Variants in FHIT observed in about 807,000 individuals in gnomAD.
FHIT encodes the protein bis(5'-adenosyl)-triphosphatase.
Under a neutral mutation model 17.9 loss-of-function variants are expected in FHIT, and 19 were observed. The ratio of observed to expected loss-of-function variants is 1.06; its 90% CI spans 0.74 to 1.56. The LOEUF is 1.56. Ranked by LOEUF, FHIT falls within the 40% of genes most tolerant of loss-of-function variation. FHIT has a pLI of 0.00. For missense variants in FHIT, 248 were observed against 189.2 expected, an observed-to-expected ratio of 1.31 and a Z score of -1.82; for synonymous variants, 81 against 69.7, an observed-to-expected ratio of 1.16 and a Z score of -0.81.
intron 5 of FHIT, among the ~76,000 whole-genome samples, chr3:60,076,601 A>G (rs1050394266): frequency 1.3e-5 from 2 of 152,040 alleles, no homozygotes; most frequent in African/African-American, 4.8e-5. Context: ...GTGATTAGCA[A>G]TGCATGTTTA....
At chr3:60,123,962 CTAAAAATATA>C (rs1705374543) in intron 5 of FHIT, among the ~76,000 whole-genome samples, 1 of 63,316 alleles carries the variant, frequency 1.6e-5, no homozygotes, top group African/African-American at 7.4e-5. Flanking sequence ...CAGAAATGCA[CTAAAAATATA>C]TATATATATA....
chr3:59,792,881 G>C lies in FHIT; in HGVS notation c.349-40560C>G, dbSNP rs556912929. Reference sequence around the variant, plus strand: ...GGAGGTCCTTATTTTTTGGGGGGGGGGGTCATGAACCTCCTTGAAAATCTG... The same window carrying C: ...GGAGGTCCTTATTTTTTGGGGGGGGCGGTCATGAACCTCCTTGAAAATCTG... On this transcript the variant is annotated intron_variant, in intron 8 of 9. Transcript: ENST00000492590. Among the ~76,000 whole-genome samples the C allele has an allele frequency of 2.7e-4, 40 of 145,866 alleles. 1 individual carries two copies. Among genetic ancestry groups the C allele is most frequent in the African/African-American group, 6.7e-4 (27 of 40,174 alleles).
rs199798770 is a variant in FHIT at position 61,006,389 on chromosome 3, T to C, written c.-111+35658A>G. Among the ~76,000 whole-genome samples, 39 of 152,170 alleles carry C rather than the reference T, an allele frequency of 2.6e-4. No individual in the cohort carries two copies. In the East Asian group the frequency reaches 4.6e-3, roughly 18 times the overall value. ...TCTGTCATAAAAACAGCAACATCAA[T>C]GACCATAACAAATGCTAAAAAGCAA... On this transcript the variant is annotated intron_variant, in intron 3 of 9. Transcript: ENST00000492590.
At chr3:61,090,508 A>G (rs2035447648) in intron 2 of FHIT, among the ~76,000 whole-genome samples, 1 of 152,148 alleles carries the variant, frequency 6.6e-6, no homozygotes, top group Non-Finnish European at 1.5e-5. Context: ...AAAAAGAGAG[A>G]GCTTTGCTTT....
At chr3:61,100,487 T>A (rs1316180137) in intron 2 of FHIT, among the ~76,000 whole-genome samples, 2 of 152,192 alleles carry the variant, frequency 1.3e-5, no homozygotes, top group African/African-American at 2.4e-5. Flanking sequence ...TGGTTCGAAG[T>A]CTTTGCTATT....
intron 8 of FHIT, among the ~76,000 whole-genome samples, chr3:59,759,604 T>TATCA (rs1701399560): frequency 1.3e-5 from 2 of 152,220 alleles, no homozygotes; most frequent in Non-Finnish European, 1.5e-5. Flanking sequence ...GCCTCTCTTC[T>TATCA]ATCATTCACT....
intron 1 of FHIT, among the ~76,000 whole-genome samples, chr3:61,209,239 T>C (rs2106744221): frequency 6.6e-6 from 1 of 152,364 alleles, no homozygotes; most frequent in Non-Finnish European, 1.5e-5. Flanking sequence ...TCTCTCTGGC[T>C]GCCCTTAAAA....
At chr3:59,880,988 T>C (rs763528782) in intron 8 of FHIT, among the ~76,000 whole-genome samples, 2 of 152,218 alleles carry the variant, frequency 1.3e-5, no homozygotes, top group Admixed American at 6.5e-5. Flanking sequence ...AGTGCTATTG[T>C]TCCTTTGACA....
At chr3:60,877,337 C>T (rs1431332476) in intron 3 of FHIT, among the ~76,000 whole-genome samples, 1 of 152,208 alleles carries the variant, frequency 6.6e-6, no homozygotes, top group East Asian at 1.9e-4. Flanking sequence ...CCCCATGGAG[C>T]CAAACAGTGA....
chr3:60,694,253 G>A (rs1008987570), intron 4 of FHIT, among the ~76,000 whole-genome samples: 19 of 151,392 alleles, frequency 1.3e-4, no homozygotes, highest in South Asian at 4.2e-4. Context: ...CAGAAAACCC[G>A]ATGCTCTCTT....
intron 5 of FHIT, among the ~76,000 whole-genome samples, chr3:60,114,488 C>CTTTTTTTTTG (rs145618938): frequency 1.7e-5 from 1 of 59,480 alleles, no homozygotes; most frequent in Non-Finnish European, 2.9e-5. Flanking sequence ...CAAGAGAAAT[C>CTTTTTTTTTG]CTTTTTTTTT....
chr3:61,000,744 A>G (rs960609155), intron 3 of FHIT, among the ~76,000 whole-genome samples: 8 of 152,176 alleles, frequency 5.3e-5, no homozygotes, highest in Non-Finnish European at 1.2e-4. Context: ...GCCGGGTTCC[A>G]GAGACGGCTG....
intron 1 of FHIT, among the ~76,000 whole-genome samples, chr3:61,204,277 G>A (rs537875033): frequency 2.6e-5 from 4 of 152,210 alleles, no homozygotes; most frequent in African/African-American, 9.6e-5. Flanking sequence ...GAGAGGAATG[G>A]GGGGGCTTCT....
chr3:60,233,614 T>C (rs1202275777), intron 5 of FHIT, among the ~76,000 whole-genome samples: 1 of 152,166 alleles, frequency 6.6e-6, no homozygotes, highest in Non-Finnish European at 1.5e-5. Flanking sequence ...TTTGAAATCA[T>C]CTTTTCTCTT....
At chr3:60,338,511 T>C (rs1710355094) in intron 5 of FHIT, among the ~76,000 whole-genome samples, 1 of 152,208 alleles carries the variant, frequency 6.6e-6, no homozygotes, top group Non-Finnish European at 1.5e-5. Flanking sequence ...CAGTATTTTA[T>C]TTACATCCAT....
At chr3:60,906,661 G>T (rs1706441822) in intron 3 of FHIT, among the ~76,000 whole-genome samples, 2 of 152,090 alleles carry the variant, frequency 1.3e-5, no homozygotes, top group South Asian at 4.2e-4. Context: ...CTAGCATCAG[G>T]GGATCCCACT....
chr3:60,003,977 G>A (rs762311265), intron 7 of FHIT, among the ~76,000 whole-genome samples: 1 of 151,188 alleles, frequency 6.6e-6, no homozygotes, highest in Non-Finnish European at 1.5e-5. Flanking sequence ...TTTTATATTT[G>A]ATTTCCTAGG....
At chr3:59,828,843 C>CTGTGTGTGTG (rs10637442) in intron 8 of FHIT, among the ~76,000 whole-genome samples, 7,439 of 146,756 alleles carry the variant, frequency 0.051, 265 homozygotes, top group African/African-American at 0.09. Flanking sequence ...CAATGGTACT[C>CTGTGTGTGTG]TCTCTGTGTG....
chr3:60,732,649 G>GGTGCTCCC, intron 4 of FHIT: 1 of 440,596 alleles, frequency 2.3e-6, no homozygotes, highest in Non-Finnish European at 4.4e-6. Flanking sequence ...CTGATAGTAG[G>GGTGCTCCC]GTGCTCCCGG....
Sources: allele counts gnomAD v4.1 joint callset (sites outside exome capture counted in the v4.1 genomes callset), GRCh38; gene constraint gnomAD v4.1.1; transcripts MANE v1.5; gene names NCBI Gene and HGNC (gene_info 2026-07-23, HGNC 2026-07-21).